Variants in UNC80 observed in about 807,000 individuals in gnomAD.
The protein encoded by UNC80 is protein unc-80 homolog.
UNC80 carries 164 observed loss-of-function variants against 384.6 expected under a neutral mutation model. The observed-to-expected ratio is 0.43, with a 90% CI of 0.38 to 0.49. The LOEUF (loss-of-function observed/expected upper bound fraction) is 0.49. Among genes scored for constraint, UNC80 ranks in the 20% least tolerant of loss-of-function variants. The pLI is 0.00. For missense variants in UNC80, 3,330 were observed against 4,143.0 expected (o/e 0.80, Z 5.39); for synonymous variants, 1,486 against 1,527.8 (o/e 0.97, Z 0.64).
chr2:209,939,555 G>A lies in UNC80; in HGVS notation c.6549G>A (p.Gln2183=). The change falls in exon 43 of 65, where the codon CAG becomes CAA. Residue 2183 remains glutamine, a synonymous_variant. Transcript: ENST00000673920. ...LTQKIPTAHK[Q]SHVSMLQEDL... is the part of the protein sequence containing the mutation. ...AGAAGATCCCCACAGCCCACAAACA[G>A]TCCCACGTCTCCATGCTTCAGGAAG... 6.4e-7 allele frequency: 1 copy of A among 1,551,742 alleles called. No individual in the cohort carries two copies. The highest frequency in any genetic ancestry group is 8.7e-7 in the Non-Finnish European group (1 of 1,146,956).
intron 45 of UNC80, 69 bp from the exon 46 acceptor site, chr2:209,944,982 T>C: frequency 1.3e-6 from 2 of 1,509,492 alleles, no homozygotes; most frequent in Non-Finnish European, 1.8e-6. Context: ...TTATAAAATT[T>C]GAATTCCTGT....
chr2:209,880,001 A>G (rs963645042), intron 24 of UNC80, among the ~76,000 whole-genome samples: 4 of 152,208 alleles, frequency 2.6e-5, no homozygotes, highest in African/African-American at 9.6e-5. Context: ...TATTTTTAGG[A>G]CTGTTCATAT....
chr2:209,817,973 A>C, intron 11 of UNC80, 21 bp downstream of exon 11: 1 of 1,551,320 alleles, frequency 6.4e-7, no homozygotes, highest in Non-Finnish European at 8.7e-7. Flanking sequence ...GGTGGGGCCT[A>C]CGGGCAGGAG....
chr2:209,968,725 G>A (rs1028561751), intron 52 of UNC80: 6 of 152,136 alleles, frequency 3.9e-5, no homozygotes, highest in Non-Finnish European at 8.8e-5. Context: ...ACAAGGGTGC[G>A]TCAAAATAAA....
chr2:209,973,596 G>A (rs2092937642), intron 56 of UNC80, among the ~76,000 whole-genome samples: 1 of 152,146 alleles, frequency 6.6e-6, no homozygotes, highest in South Asian at 2.1e-4. Context: ...TGAGTGTCTG[G>A]GCTTGTAAGG....
At chr2:209,804,409 A>G (rs926943698) in intron 7 of UNC80, among the ~76,000 whole-genome samples, 1 of 152,150 alleles carries the variant, frequency 6.6e-6, no homozygotes, top group African/African-American at 2.4e-5. Flanking sequence ...AAAAGATTGC[A>G]TGTGTTTACA....
intron 22 of UNC80, among the ~76,000 whole-genome samples, chr2:209,866,816 A>G (rs2083871496): frequency 6.6e-6 from 1 of 152,140 alleles, no homozygotes; most frequent in African/African-American, 2.4e-5. Context: ...TTGATACACT[A>G]CGATTCCAAT....
At position 209,922,386 on chromosome 2, in the gene UNC80, G is replaced by A. The variant is rs1325085801; in HGVS notation, c.5662+3G>A. ...GCGTTCAGCCGTCAGTGCTGAAGGT[G>A]TGTCCTCTTGCATACGTTTTATTTC... On this transcript the variant is annotated splice_donor_region_variant and intron_variant, in intron 35 of 64. Coordinates refer to ENST00000673920, the MANE Select transcript of UNC80 (RefSeq NM_001371986.1). The A allele has an allele frequency of 5.2e-6, 8 of 1,550,974 alleles. No homozygotes were observed. Among genetic ancestry groups the A allele is most frequent in the Non-Finnish European group, 6.1e-6 (7 of 1,146,542 alleles).
rs886507178 is a variant in UNC80 at position 209,816,931 on chromosome 2, G to T, written c.1358G>T (p.Arg453Leu). Residue 453 changes from arginine (R) to leucine (L), a missense_variant, in exon 10 of 65, where the codon CGA becomes CTA. By Grantham distance (102) the Arg-to-Leu change is moderately radical. Around this residue, in one of 8 missense-constraint regions of UNC80, gnomAD observed 937 missense variants for 1,026.8 expected, o/e 0.91. Coordinates refer to ENST00000673920, the MANE Select transcript of UNC80 (RefSeq NM_001371986.1). Reference protein sequence around the residue: ...FKKFKSRKEDRERKGSIPFHH... With the variant: ...FKKFKSRKEDLERKGSIPFHH... Reference sequence around the variant, plus strand: ...TAGTTCAAGAGCCGCAAAGAAGACCGAGAGAGGAAAGGCTCCATTCCATTC... The same window carrying T: ...TAGTTCAAGAGCCGCAAAGAAGACCTAGAGAGGAAAGGCTCCATTCCATTC... The T allele has an allele frequency of 1.9e-6, 3 of 1,551,552 alleles. No individual in the cohort carries two copies. The highest frequency in any genetic ancestry group is 2.7e-5 in the African/African-American group (2 of 73,034).
chr2:209,794,730 A>G (rs1270570126), intron 7 of UNC80: 1 of 449,546 alleles, frequency 2.2e-6, no homozygotes, highest in East Asian at 7.3e-5. Flanking sequence ...ATGAGATCTG[A>G]TGGGTTTATC....
Position 209,976,593 on chromosome 2 carries a change from A to G in UNC80, c.8772+290A>G, listed in dbSNP as rs1377423993. The stretch of plus-strand genomic sequence containing the variant: ...ACCCAAAAGATTGGTCCAGTGGAAT[A>G]GTTTGGAGAATCTTCTATCTTCAGT... On this transcript the variant is annotated intron_variant, in intron 57 of 64. Coordinates refer to ENST00000673920, the MANE Select transcript of UNC80 (RefSeq NM_001371986.1). The surrounding 1 kb of genome is among the most constrained non-coding windows in gnomAD (Gnocchi z 4.3). Among the ~76,000 whole-genome samples, 1 of 152,150 alleles carries G rather than the reference A, an allele frequency of 6.6e-6. No individual in the cohort carries two copies. The highest frequency in any genetic ancestry group is 1.5e-5 in the Non-Finnish European group (1 of 68,030).
Position 209,820,387 on chromosome 2 carries a change from T to C in UNC80, c.2039T>C (p.Val680Ala). ...ATCTGTGACGTGGCGCTAAACATTG[T>C]GGAATGCTTGCTTCAACTTGGTGTG... ...SRICDVALNIVECLLQLGVVP... is the reference protein window; with the variant it reads ...SRICDVALNIAECLLQLGVVP... Residue 680 changes from valine (V) to alanine (A), a missense_variant, in exon 13 of 65, where the codon GTG (valine) becomes GCG (alanine). Physicochemically the swap from Val to Ala is moderately conservative, Grantham distance 64. Around this residue, in one of 8 missense-constraint regions of UNC80, gnomAD observed 937 missense variants for 1,026.8 expected, o/e 0.91. Coordinates refer to ENST00000673920, the MANE Select transcript of UNC80 (RefSeq NM_001371986.1). The C allele has an allele frequency of 6.4e-7, 1 of 1,551,978 alleles. No homozygotes were observed. The highest frequency in any genetic ancestry group is 2.4e-5 in the East Asian group (1 of 40,930).
intron 22 of UNC80, among the ~76,000 whole-genome samples, chr2:209,863,028 G>A (rs375857229): frequency 8.5e-5 from 13 of 152,230 alleles, no homozygotes; most frequent in African/African-American, 2.6e-4. Flanking sequence ...GGGCAGGCCC[G>A]GTGGTAATGA....
intron 34 of UNC80, among the ~76,000 whole-genome samples, 187 bp from the exon 35 acceptor site, chr2:209,922,065 G>A (rs544292051): frequency 1.7e-4 from 26 of 152,108 alleles, no homozygotes; most frequent in South Asian, 4.2e-4. Context: ...TAAAAACTTC[G>A]GGGGATATTT....
intron 47 of UNC80, among the ~76,000 whole-genome samples, chr2:209,947,882 G>A (rs974861758): frequency 4.6e-5 from 7 of 152,066 alleles, no homozygotes; most frequent in Non-Finnish European, 1.0e-4. Flanking sequence ...TTTCTAATAT[G>A]ATAAATCAGT....
At chr2:209,946,382 A>AG (rs1553610133) in intron 47 of UNC80, among the ~76,000 whole-genome samples, 1 of 150,792 alleles carries the variant, frequency 6.6e-6, no homozygotes, top group East Asian at 1.9e-4. Context: ...AAAAAAAAAA[A>AG]GAAAGAAAGA....
At chr2:209,979,216 T>C (rs1394699106) in intron 59 of UNC80, among the ~76,000 whole-genome samples, 2 of 152,156 alleles carry the variant, frequency 1.3e-5, no homozygotes. Flanking sequence ...GCCAATGCAC[T>C]CCAGCCTGGG....
Position 209,830,124 on chromosome 2 carries a change from GC to G in UNC80, c.2626+746del, listed in dbSNP as rs749161696. On this transcript the variant is annotated intron_variant, in intron 15 of 64. Transcript: ENST00000673920. ...TTTTAATTAGAGTCTGGGAAGGATA[GC>G]TTTGTAGTATAGGCTTTTATTGTTT... is the stretch of plus-strand genomic sequence containing the variant. Among the ~76,000 whole-genome samples, 27 of 152,318 alleles carry G rather than the reference GC, an allele frequency of 1.8e-4. No homozygotes were observed. In the East Asian group the frequency reaches 4.0e-3, roughly 23 times the overall value.
At chr2:209,900,475 G>A (rs1434082177) in intron 28 of UNC80, among the ~76,000 whole-genome samples, 2 of 152,136 alleles carry the variant, frequency 1.3e-5, no homozygotes, top group African/African-American at 4.8e-5. Flanking sequence ...ATCAATAAAT[G>A]TGTGTGTTCT....
Sources: gnomAD v4.1 joint callset for allele counts (sites outside exome capture counted in the v4.1 genomes callset) on GRCh38, gnomAD v4.1.1 for gene constraint, gnomAD v4.1.1 regional missense constraint, Gnocchi (gnomAD v3.1) non-coding constraint, MANE v1.5 for transcripts, NCBI Gene and HGNC (gene_info 2026-07-23, HGNC 2026-07-21) for gene names.